Variants in ADRB3 observed in about 807,000 individuals in gnomAD.
ADRB3 encodes the protein beta-3 adrenergic receptor.
In ADRB3, 33 loss-of-function variants were observed where a neutral mutation model predicts 23.8. The ratio of observed to expected loss-of-function variants is 1.38; its 90% CI spans 1.05 to 1.85. The LOEUF is 1.85. ADRB3 is among the 40% of genes most tolerant of loss of function. The pLI is 0.00. For synonymous variants in ADRB3, 289 were observed against 273.0 expected, an observed-to-expected ratio of 1.06 and a Z score of -0.58; for missense variants, 600 against 579.6, an observed-to-expected ratio of 1.04 and a Z score of -0.36.
chr8:37,964,266 C>G, intron 1 of ADRB3, 27 bp from the exon 2 acceptor site: 1 of 1,608,972 alleles, frequency 6.2e-7, no homozygotes, highest in Non-Finnish European at 8.5e-7. Flanking sequence ...AGATAATAGA[C>G]CCTGGGGTGA....
rs2130311483 is a variant in ADRB3 at position 37,965,713 on chromosome 8, C to T, written c.757G>A (p.Ala253Thr). The T allele has an allele frequency of 6.5e-7, 1 of 1,546,716 alleles. No individual in the cohort carries two copies. Among genetic ancestry groups the T allele is most frequent in the Non-Finnish European group, 8.7e-7 (1 of 1,144,758 alleles). The part of the protein sequence containing the change: ...GRFPPEESPP[A>T]PSRSLAPAPV... ...GCCGGGGCCAGAGAGCGCGACGGCGCCGGCGGAGACTCCTCGGGCGGAAAG... is the reference window on the plus strand; with the variant it reads ...GCCGGGGCCAGAGAGCGCGACGGCGTCGGCGGAGACTCCTCGGGCGGAAAG... The change falls in exon 1 of 2, where the codon GCG becomes ACG. Residue 253 changes from alanine (A) to threonine (T), a missense_variant. By Grantham distance (58) the Ala-to-Thr change is moderately conservative. Coordinates refer to ENST00000345060, the MANE Select transcript of ADRB3 (RefSeq NM_000025.3).
At position 37,965,700 on chromosome 8, in the gene ADRB3, G is replaced by A. The variant is rs1232672807; in HGVS notation, c.770C>T (p.Ser257Phe). The A allele has an allele frequency of 1.9e-6, 3 of 1,545,156 alleles. No homozygotes were observed. The highest frequency in any genetic ancestry group is 2.6e-6 in the Non-Finnish European group (3 of 1,144,192). ...CGTCCCCACCGGGGCCGGGGCCAGA[G>A]AGCGCGACGGCGCCGGCGGAGACTC... ...PEESPPAPSR[S>F]LAPAPVGTCA... is the part of the protein sequence containing the mutation. The change falls in exon 1 of 2, where the codon TCT (serine) becomes TTT (phenylalanine). Residue 257 changes from serine (S) to phenylalanine (F), a missense_variant. Physicochemically the swap from Ser to Phe is radical, Grantham distance 155. Coordinates refer to ENST00000345060, the MANE Select transcript of ADRB3 (RefSeq NM_000025.3).
At position 37,964,031 on chromosome 8, in the gene ADRB3, A is replaced by G; in HGVS notation, c.*187T>C. ...CTGGGGTTTAGAAAACATCTCTCAG[A>G]CAGAGAGCAAGAGGATGGTGAAAAC... On this transcript the variant is annotated 3_prime_UTR_variant, in exon 2 of 2. Transcript: ENST00000345060. 1 of 576,726 alleles carries G rather than the reference A, an allele frequency of 1.7e-6. No individual in the cohort carries two copies. Among genetic ancestry groups the G allele is most frequent in the South Asian group, 2.2e-5 (1 of 45,922 alleles). 35.7% of individuals were successfully genotyped at this position (576,726 alleles called of 1,614,324 possible). A position where few individuals can be genotyped will look rare whatever the true frequency, so the allele number is the denominator to read the frequency against.
In ADRB3 at chr8:37,966,004, T is replaced by C. The variant is rs976013636; in HGVS notation, c.466A>G (p.Thr156Ala). ...GALVTKRCAR[T>A]AVVLVWVVSA... ...ACGACCCACACCAGGACCACAGCTG[T>C]CCGGGCGCAGCGCTTGGTGACCAGT... The change falls in exon 1 of 2, where the codon ACA becomes GCA. Residue 156 changes from threonine (T) to alanine (A), a missense_variant. Thr to Ala is a moderately conservative substitution (Grantham distance 58). Coordinates refer to ENST00000345060, the MANE Select transcript of ADRB3 (RefSeq NM_000025.3). 9.5e-6 allele frequency: 15 copies of C among 1,574,264 alleles called. No individual in the cohort carries two copies. The highest frequency in any genetic ancestry group is 1.3e-5 in the Non-Finnish European group (15 of 1,159,750).
Position 37,966,053 on chromosome 8 carries a change from C to A in ADRB3, c.417G>T (p.Val139=), listed in dbSNP as rs1432683705. ...GTGCGCCGTAACGCAGCGGGTTGGT[C>A]ACAGCCAGGTAGCGGTCCACGGCCA... ...CALAVDRYLA[V]TNPLRYGALV... Residue 139 remains valine, a synonymous_variant, in exon 1 of 2, where the codon GTG becomes GTT. Coordinates refer to ENST00000345060, the MANE Select transcript of ADRB3 (RefSeq NM_000025.3). 6.3e-7 allele frequency: 1 copy of A among 1,595,942 alleles called. No individual in the cohort carries two copies. The highest frequency in any genetic ancestry group is 8.5e-7 in the Non-Finnish European group (1 of 1,171,332).
At position 37,965,386 on chromosome 8, in the gene ADRB3, G is replaced by T; in HGVS notation, c.1084C>A (p.Arg362Ser). ...FRSAFRRLLC[R>S]CGRRLPPEPC... ...TCCGGAGGCAGGCGACGGCCGCAGC[G>T]GCACAGAAGACGGCGGAAGGCGCTG... Residue 362 changes from arginine (R) to serine (S), a missense_variant, in exon 1 of 2, where the codon CGC (arginine) becomes AGC (serine). Transcript: ENST00000345060. 5 of 1,547,576 alleles carry T rather than the reference G, an allele frequency of 3.2e-6. No individual in the cohort carries two copies. The South Asian group carries it at 3.6e-5, about 11-fold the overall frequency.
Position 37,965,682 on chromosome 8 carries a change from A to C in ADRB3, c.788T>G (p.Val263Gly). The C allele has an allele frequency of 6.5e-7, 1 of 1,539,174 alleles. No individual in the cohort carries two copies. The highest frequency in any genetic ancestry group is 1.8e-4 in the Middle Eastern group (1 of 5,488). ...CCCTTCGGGCGGAGCGCACGTCCCC[A>C]CCGGGGCCGGGGCCAGAGAGCGCGA... is the stretch of plus-strand genomic sequence containing the variant. ...APSRSLAPAP[V>G]GTCAPPEGVP... The change falls in exon 1 of 2, where the codon GTG becomes GGG. Residue 263 changes from valine to glycine, a missense_variant. By Grantham distance (109) the Val-to-Gly change is moderately radical. Transcript: ENST00000345060.
Position 37,963,628 on chromosome 8 carries a change from G to A in ADRB3, c.*590C>T, listed in dbSNP as rs201336220. The stretch of plus-strand genomic sequence containing the variant: ...GGAAAAGAAGGGATCTGTTCTAATG[G>A]TTCACCTTCTTATGAACCCTGGAGC... On this transcript the variant is annotated 3_prime_UTR_variant, in exon 2 of 2. Transcript: ENST00000345060. 3.4e-3 allele frequency: 522 copies of A among 152,922 alleles called. No individual in the cohort carries two copies. Among genetic ancestry groups the A allele is most frequent in the Middle Eastern group, 6.8e-3 (2 of 294 alleles). The allele number at this position is 152,922 out of a possible 1,614,324, so 9.5% of individuals were successfully genotyped here.
In ADRB3 at chr8:37,966,398, G is replaced by A. The variant is rs1488168665; in HGVS notation, c.72C>T (p.Thr24=). ...CCCCTGGCAGCCCACTGGTGTTGGC[G>A]GTATTGGGCGCCAGGGTGGGGAGGT... ...WPDLPTLAPN[T]ANTSGLPGVP... The change falls in exon 1 of 2, where the codon ACC becomes ACT. Residue 24 remains threonine, a synonymous_variant. Transcript: ENST00000345060. 6.2e-7 allele frequency: 1 copy of A among 1,609,278 alleles called. No homozygotes were observed. The highest frequency in any genetic ancestry group is 8.5e-7 in the Non-Finnish European group (1 of 1,178,628).
Position 37,966,178 on chromosome 8 carries a change from C to A in ADRB3, c.292G>T (p.Ala98Ser), listed in dbSNP as rs201556238. 4.3e-6 allele frequency: 7 copies of A among 1,610,824 alleles called. No homozygotes were observed. The highest frequency in any genetic ancestry group is 5.9e-6 in the Non-Finnish European group (7 of 1,178,960). Residue 98 changes from alanine to serine, a missense_variant, in exon 1 of 2, where the codon GCG (alanine) becomes TCG (serine). Coordinates refer to ENST00000345060, the MANE Select transcript of ADRB3 (RefSeq NM_000025.3). Reference protein sequence around the residue: ...LLVVPPAATLALTGHWPLGAT... With the variant: ...LLVVPPAATLSLTGHWPLGAT... ...CCCAACGGCCAGTGGCCAGTCAGCG[C>A]CAAGGTGGCCGCCGGCGGCACCACC... is the stretch of plus-strand genomic sequence containing the variant.
rs772084969 is a variant in ADRB3 at position 37,966,454 on chromosome 8, G to A, written c.16C>T (p.His6Tyr). The A allele has an allele frequency of 5.0e-6, 8 of 1,597,834 alleles. No individual in the cohort carries two copies. The highest frequency in any genetic ancestry group is 6.0e-6 in the Non-Finnish European group (7 of 1,175,152). Residue 6 changes from histidine to tyrosine, a missense_variant, in exon 1 of 2, where the codon CAC becomes TAC. Physicochemically the swap from His to Tyr is moderately conservative, Grantham distance 83. Transcript: ENST00000345060. Reference sequence around the variant, plus strand: ...CATGGGGCAAGAGAGCTGTTCTCGTGAGGCCACGGAGCCATCCCCGGGTCG... The same window carrying A: ...CATGGGGCAAGAGAGCTGTTCTCGTAAGGCCACGGAGCCATCCCCGGGTCG... Reference protein sequence around the residue: MAPWPHENSSLAPWPD... With the variant: MAPWPYENSSLAPWPD...
At chr8:37,964,658 G>A (rs925616448) in intron 1 of ADRB3, among the ~76,000 whole-genome samples, 5 of 152,206 alleles carry the variant, frequency 3.3e-5, no homozygotes, top group African/African-American at 9.6e-5. Flanking sequence ...CCGACCCGGC[G>A]CCCTGGCTCC....
rs1040324670 is a variant in ADRB3 at position 37,965,596 on chromosome 8, A to G, written c.874T>C (p.Cys292Arg). The G allele has an allele frequency of 3.9e-6, 6 of 1,548,396 alleles. No homozygotes were observed. In the African/African-American group the frequency reaches 8.2e-5, roughly 21 times the overall value. ...GTGCCCATGATGAGACCCAAGGTGC[A>G]CAGGGCCCGGTGTTCCCGGAGAGGC... is the stretch of plus-strand genomic sequence containing the variant. Reference protein sequence around the residue: ...LLPLREHRALCTLGLIMGTFT... With the variant: ...LLPLREHRALRTLGLIMGTFT... Residue 292 changes from cysteine (C) to arginine (R), a missense_variant, in exon 1 of 2, where the codon TGC becomes CGC. Coordinates refer to ENST00000345060, the MANE Select transcript of ADRB3 (RefSeq NM_000025.3).
rs777326448 is a variant in ADRB3, at chr8:37,966,195, G to A, written c.275C>T (p.Pro92Leu). 6.2e-7 allele frequency: 1 copy of A among 1,612,040 alleles called. No individual in the cohort carries two copies. Among genetic ancestry groups the A allele is most frequent in the South Asian group, 1.1e-5 (1 of 90,884 alleles). The stretch of plus-strand genomic sequence containing the variant: ...AGTCAGCGCCAAGGTGGCCGCCGGC[G>A]GCACCACCAGGAGTCCCATCACCAG... The part of the protein sequence containing the change: ...ADLVMGLLVV[P>L]PAATLALTGH... The change falls in exon 1 of 2, where the codon CCG becomes CTG. Residue 92 changes from proline (P) to leucine (L), a missense_variant. Physicochemically the swap from Pro to Leu is moderately conservative, Grantham distance 98 (BLOSUM62 -3). Coordinates refer to ENST00000345060, the MANE Select transcript of ADRB3 (RefSeq NM_000025.3).
chr8:37,965,567 G>A lies in ADRB3; in HGVS notation c.903C>T (p.Phe301=), dbSNP rs200299734. 3 of 1,550,350 alleles carry A rather than the reference G, an allele frequency of 1.9e-6. No individual in the cohort carries two copies. Among genetic ancestry groups the A allele is most frequent in the Non-Finnish European group, 2.6e-6 (3 of 1,146,860 alleles). The change falls in exon 1 of 2, where the codon TTC becomes TTT. Residue 301 remains phenylalanine, a synonymous_variant. Transcript: ENST00000345060. The stretch of plus-strand genomic sequence containing the variant: ...GAAAGAAGGGCAACCAGCAGAGAGT[G>A]AAGGTGCCCATGATGAGACCCAAGG... ...LCTLGLIMGT[F]TLCWLPFFLA...
rs1434445715 is a variant in ADRB3 at position 37,964,365 on chromosome 8, C to T, written c.1206-126G>A. The T allele has an allele frequency of 2.2e-5, 17 of 780,852 alleles. No individual in the cohort carries two copies. In the East Asian group the frequency reaches 4.3e-4, roughly 20 times the overall value. 48.4% of individuals were successfully genotyped at this position (780,852 alleles called of 1,614,324 possible). ...TACACAAAAACGCCAGGGCACCACC[C>T]AGCCACACACGCCCCACCCCATCCC... On this transcript the variant is annotated intron_variant, in intron 1 of 1. Coordinates refer to ENST00000345060, the MANE Select transcript of ADRB3 (RefSeq NM_000025.3).
chr8:37,964,132 G>T lies in ADRB3; in HGVS notation c.*86C>A. 8.2e-7 allele frequency: 1 copy of T among 1,214,650 alleles called. No individual in the cohort carries two copies. The highest frequency in any genetic ancestry group is 1.2e-6 in the Non-Finnish European group (1 of 823,538). The allele number at this position is 1,214,650 out of a possible 1,614,324, so 75.2% of individuals were successfully genotyped here. ...TGGAGGGTAGAGTGTCACAGCCGGG[G>T]AATCCCATGGGACTCATTCTGAACA... On this transcript the variant is annotated 3_prime_UTR_variant, in exon 2 of 2. Coordinates refer to ENST00000345060, the MANE Select transcript of ADRB3 (RefSeq NM_000025.3).
chr8:37,965,908 G>A lies in ADRB3; in HGVS notation c.562C>T (p.Arg188Cys). ...WRVGADAEAQ[R>C]CHSNPRCCAF... ...CAGCAGCGCGGGTTGGAGTGGCAGC[G>A]CTGCGCCTCGGCGTCGGCCCCTACG... Residue 188 changes from arginine to cysteine, a missense_variant, in exon 1 of 2, where the codon CGC becomes TGC. By Grantham distance (180) the Arg-to-Cys change is radical (BLOSUM62 -3). Coordinates refer to ENST00000345060, the MANE Select transcript of ADRB3 (RefSeq NM_000025.3). 3 of 1,551,880 alleles carry A rather than the reference G, an allele frequency of 1.9e-6. No individual in the cohort carries two copies. Among genetic ancestry groups the A allele is most frequent in the Non-Finnish European group, 2.6e-6 (3 of 1,147,188 alleles).
rs908042004 is a variant in ADRB3 at position 37,965,252 on chromosome 8, C to G, written c.1205+13G>C. 1 of 1,504,552 alleles carries G rather than the reference C, an allele frequency of 6.6e-7. No individual in the cohort carries two copies. Among genetic ancestry groups the G allele is most frequent in the African/African-American group, 1.4e-5 (1 of 69,262 alleles). The allele number at this position is 1,504,552 out of a possible 1,614,324, so 93.2% of individuals were successfully genotyped here. ...GACCCTGAGCCGCCGGTCCCTCTGC[C>G]CCGGTTACCTACCCGTCGAGCCGTT... On this transcript the variant is annotated intron_variant, in intron 1 of 1. Coordinates refer to ENST00000345060, the MANE Select transcript of ADRB3 (RefSeq NM_000025.3).
Sources: allele counts gnomAD v4.1 joint callset (sites outside exome capture counted in the v4.1 genomes callset), GRCh38; gene constraint gnomAD v4.1.1; transcripts MANE v1.5; gene names NCBI Gene and HGNC (gene_info 2026-07-23, HGNC 2026-07-21).